ITIH5: variants seen among roughly 807,000 people sequenced by gnomAD.
ITIH5 encodes inter-alpha-trypsin inhibitor heavy chain H5.
In ITIH5, 65 loss-of-function variants were observed where a neutral mutation model predicts 77.5. The observed-to-expected ratio is 0.84, with a 90% CI of 0.69 to 1.03. The LOEUF (loss-of-function observed/expected upper bound fraction) is 1.03. ITIH5 is among the 50% of genes least tolerant of loss of function. The pLI is 0.00. For synonymous variants in ITIH5, 525 were observed against 494.3 expected (o/e 1.06, Z -0.82); for missense variants, 1,208 against 1,213.1 (o/e 1.00, Z 0.06).
chr10:7,575,636 G>T (rs1214395016), intron 10 of ITIH5, among the ~76,000 whole-genome samples: 2 of 152,148 alleles, frequency 1.3e-5, no homozygotes, highest in Non-Finnish European at 2.9e-5. Flanking sequence ...GACTGTGCCT[G>T]CTTCTGTTCA....
intron 2 of ITIH5, among the ~76,000 whole-genome samples, chr10:7,644,752 CATATATCACAT>C: frequency 8.3e-6 from 1 of 121,108 alleles, no homozygotes; most frequent in Non-Finnish European, 1.6e-5. Context: ...ATATATATCA[CATATATCACAT>C]ATATATCATA....
At chr10:7,655,901 C>G (rs1398955765) in intron 1 of ITIH5, among the ~76,000 whole-genome samples, 33 of 152,158 alleles carry the variant, frequency 2.2e-4, no homozygotes, top group Non-Finnish European at 4.4e-5. Flanking sequence ...ACTCTTAACC[C>G]ATAATGTCAC....
At chr10:7,604,819 A>T (rs545275099) in intron 7 of ITIH5, among the ~76,000 whole-genome samples, 1 of 84,456 alleles carries the variant, frequency 1.2e-5, no homozygotes, top group Non-Finnish European at 2.4e-5. Context: ...GAATAATGTA[A>T]GATTGTTTCA....
chr10:7,659,301 C>G (rs1834238926), intron 1 of ITIH5, among the ~76,000 whole-genome samples: 1 of 151,940 alleles, frequency 6.6e-6, no homozygotes, highest in Non-Finnish European at 1.5e-5. Flanking sequence ...ATCTCTTGAA[C>G]CCGGGAGGTG....
At chr10:7,615,080 C>G (rs1480839787) in intron 7 of ITIH5, among the ~76,000 whole-genome samples, 2 of 152,060 alleles carry the variant, frequency 1.3e-5, no homozygotes, top group Non-Finnish European at 2.9e-5. Flanking sequence ...AACCCTGTCT[C>G]TACTAAAAAT....
chr10:7,654,170 A>T (rs2131104481), intron 2 of ITIH5, among the ~76,000 whole-genome samples: 1 of 152,304 alleles, frequency 6.6e-6, no homozygotes. Flanking sequence ...TTCGGTTGAC[A>T]TGAGCCGTCA....
intron 13 of ITIH5, among the ~76,000 whole-genome samples, chr10:7,563,683 C>T (rs1054172033): frequency 9.2e-5 from 14 of 152,210 alleles, no homozygotes; most frequent in East Asian, 1.9e-4. Flanking sequence ...GAGGACAGGA[C>T]GGGGCATATG....
chr10:7,651,128 A>G (rs1216883435), intron 2 of ITIH5, among the ~76,000 whole-genome samples: 2 of 152,008 alleles, frequency 1.3e-5, no homozygotes, highest in African/African-American at 4.8e-5. Flanking sequence ...CTTGTTTTCT[A>G]TATTCTTGAT....
rs41290267 is a variant in ITIH5, at chr10:7,562,145, G to A, written c.*938C>T. On this transcript the variant is annotated 3_prime_UTR_variant, in exon 14 of 14. Coordinates refer to ENST00000397146, the MANE Select transcript of ITIH5 (RefSeq NM_030569.7). ...CTGCTCTGAGCCGGCTCTGCCTCCC[G>A]TCCTAGCACTGTGCACATGTAATTG... The A allele has an allele frequency of 0.026, 3,898 of 152,280 alleles. 71 individuals carry two copies. Among genetic ancestry groups the A allele is most frequent in the Non-Finnish European group, 0.036 (2,472 of 68,072 alleles). The allele number at this position is 152,280 out of a possible 1,614,324, so 9.4% of individuals were successfully genotyped here. A position where few individuals can be genotyped will look rare whatever the true frequency, so the allele number is the denominator to read the frequency against.
Position 7,569,054 on chromosome 10 carries a change from T to C in ITIH5, c.2149+614A>G, listed in dbSNP as rs370471303. 3.1e-5 allele frequency: 4 copies of C among 130,302 alleles called. No individual in the cohort carries two copies. The East Asian group carries it at 1.0e-3, about 33-fold the overall frequency. The allele number at this position is 130,302 out of a possible 1,614,324, so 8.1% of individuals were successfully genotyped here. On this transcript the variant is annotated intron_variant, in intron 12 of 13. Transcript: ENST00000397146. The stretch of plus-strand genomic sequence containing the variant: ...TTTTTGAGATAGAGTCTTGCTCTTT[T>C]CACCCAGGCTGGAGTGCAGTGGCAT...
intron 7 of ITIH5, among the ~76,000 whole-genome samples, chr10:7,608,244 G>A (rs1209534025): frequency 6.6e-6 from 1 of 152,164 alleles, no homozygotes; most frequent in East Asian, 1.9e-4. Context: ...AGGCTGCTCG[G>A]TGAATCTGAC....
chr10:7,614,463 C>A (rs1396937016), intron 7 of ITIH5, among the ~76,000 whole-genome samples: 1 of 152,140 alleles, frequency 6.6e-6, no homozygotes, highest in African/African-American at 2.4e-5. Context: ...CTTAAAACAT[C>A]GTGAGATTTT....
chr10:7,658,668 TG>T (rs1834227327), intron 1 of ITIH5, among the ~76,000 whole-genome samples: 1 of 152,144 alleles, frequency 6.6e-6, no homozygotes, highest in Non-Finnish European at 1.5e-5. Context: ...TCGAAGGTGG[TG>T]GGGGCTTCCA....
rs1832043144 is a variant in ITIH5, at chr10:7,561,698, A to AT, written c.*1384dup. The AT allele has an allele frequency of 6.6e-6, 1 of 152,214 alleles. No homozygotes were observed. 9.4% of individuals were successfully genotyped at this position (152,214 alleles called of 1,614,324 possible). Reference sequence around the variant, plus strand: ...GAATGTTTCCCCAGGGAAGGCAAACATGATAAAGAATTTTCTTAACTCAGC... The same window carrying AT: ...GAATGTTTCCCCAGGGAAGGCAAACATTGATAAAGAATTTTCTTAACTCAGC... On this transcript the variant is annotated 3_prime_UTR_variant, in exon 14 of 14. Coordinates refer to ENST00000397146, the MANE Select transcript of ITIH5 (RefSeq NM_030569.7).
chr10:7,605,347 T>G (rs1833102109), intron 7 of ITIH5, among the ~76,000 whole-genome samples: 1 of 151,810 alleles, frequency 6.6e-6, no homozygotes, highest in African/African-American at 2.4e-5. Context: ...GAATCATTCA[T>G]CATCCCCTAC....
intron 1 of ITIH5, among the ~76,000 whole-genome samples, chr10:7,656,502 C>T (rs779565702): frequency 6.6e-5 from 10 of 152,068 alleles, no homozygotes; most frequent in Non-Finnish European, 1.0e-4. Context: ...AGGCGTGAGC[C>T]ACTGTGCCCA....
In ITIH5 at chr10:7,563,162, C is replaced by A. The variant is rs781142532; in HGVS notation, c.2750G>T (p.Gly917Val). ...ARNNAAKLIDGEYKDYLASHP... is the reference protein window; with the variant it reads ...ARNNAAKLIDVEYKDYLASHP... ...GGATGCCAGGTAATCCTTGTACTCC[C>A]CGTCAATCAGTTTGGCGGCATTGTT... The change falls in exon 14 of 14, where the codon GGG (glycine) becomes GTG (valine). Residue 917 changes from glycine to valine, a missense_variant. Coordinates refer to ENST00000397146, the MANE Select transcript of ITIH5 (RefSeq NM_030569.7). 1 of 1,614,156 alleles carries A rather than the reference C, an allele frequency of 6.2e-7. No individual in the cohort carries two copies. The highest frequency in any genetic ancestry group is 2.2e-5 in the East Asian group (1 of 44,890).
chr10:7,630,849 C>A (rs1158084059), intron 5 of ITIH5, among the ~76,000 whole-genome samples: 2 of 152,002 alleles, frequency 1.3e-5, no homozygotes, highest in Non-Finnish European at 2.9e-5. Context: ...CCAAACACTT[C>A]TCGGTGATGA....
intron 7 of ITIH5, among the ~76,000 whole-genome samples, chr10:7,602,237 C>T (rs2131008637): frequency 6.6e-6 from 1 of 152,346 alleles, no homozygotes; most frequent in African/African-American, 2.4e-5. Flanking sequence ...ACTACCACAT[C>T]TGTTTTGGGG....
Sources: allele counts gnomAD v4.1 joint callset (sites outside exome capture counted in the v4.1 genomes callset), GRCh38; gene constraint gnomAD v4.1.1; transcripts MANE v1.5; gene names NCBI Gene and HGNC (gene_info 2026-07-23, HGNC 2026-07-21).